THOC5: variants seen among roughly 807,000 people sequenced by gnomAD.
The protein encoded by THOC5 is THO complex subunit 5.
In THOC5, 43 loss-of-function variants were observed where a neutral mutation model predicts 92.9. The ratio of observed to expected loss-of-function variants is 0.46; its 90% CI spans 0.36 to 0.60. The LOEUF (loss-of-function observed/expected upper bound fraction) is 0.60, where lower values mean the gene tolerates loss of function less well. THOC5 is among the 20% of genes least tolerant of loss of function. THOC5 has a pLI of 0.00. For missense variants in THOC5, 659 were observed against 849.4 expected, an observed-to-expected ratio of 0.78 and a Z score of 2.79; for synonymous variants, 296 against 320.1, an observed-to-expected ratio of 0.92 and a Z score of 0.80.
intron 9 of THOC5, 191 bp downstream of exon 9, chr22:29,528,971 G>T: frequency 1.7e-6 from 1 of 595,548 alleles, no homozygotes; most frequent in Non-Finnish European, 3.0e-6. Flanking sequence ...GAGTGGCAGG[G>T]CTGAAATCCA....
intron 2 of THOC5, among the ~76,000 whole-genome samples, chr22:29,548,767 C>T (rs1405518888): frequency 6.6e-6 from 1 of 152,166 alleles, no homozygotes; most frequent in Non-Finnish European, 1.5e-5. Context: ...CTACCTTCTT[C>T]TGACCATCAG....
intron 19 of THOC5, among the ~76,000 whole-genome samples, chr22:29,509,127 C>T (rs1211114185): frequency 1.3e-5 from 2 of 151,858 alleles, no homozygotes; most frequent in African/African-American, 4.8e-5. Context: ...TGAAGGAGCA[C>T]CTTCCCAGAA....
rs2063348478 is a variant in THOC5 at position 29,517,130 on chromosome 22, C to A, written c.1594-14G>T. 2 of 1,614,062 alleles carry A rather than the reference C, an allele frequency of 1.2e-6. No homozygotes were observed. Among genetic ancestry groups the A allele is most frequent in the Non-Finnish European group, 1.7e-6 (2 of 1,179,974 alleles). ...GAAGTGCAGCTCCTAGAAGAGGTACCACAGACAAGAGGTGAACTGCTGGCT... is the reference window on the plus strand; with the variant it reads ...GAAGTGCAGCTCCTAGAAGAGGTACAACAGACAAGAGGTGAACTGCTGGCT... On this transcript the variant is annotated splice_polypyrimidine_tract_variant and intron_variant, in intron 16 of 19. Transcript: ENST00000490103.
In THOC5 at chr22:29,519,097, C is replaced by T. The variant is rs778069199; in HGVS notation, c.1398G>A (p.Ser466=). ...TGGTCTCCATGTGGCTGGCGCTCAG[C>T]GAGTGGTCAGCAATCACTGTTTGCT... ...QPQQTVIADH[S]LSASHMETTM... The change falls in exon 15 of 20, where the codon TCG becomes TCA. Residue 466 remains serine, a synonymous_variant. Coordinates refer to ENST00000490103, the MANE Select transcript of THOC5 (RefSeq NM_003678.5). The T allele has an allele frequency of 3.1e-6, 5 of 1,610,976 alleles. No individual in the cohort carries two copies. The highest frequency in any genetic ancestry group is 1.7e-5 in the Admixed American group (1 of 59,614).
intron 13 of THOC5, 100 bp downstream of exon 13, chr22:29,520,898 C>A: frequency 1.2e-6 from 1 of 851,654 alleles, no homozygotes; most frequent in Non-Finnish European, 2.0e-6. Context: ...TTCCTATCCT[C>A]TGGGTCACCT....
intron 17 of THOC5, among the ~76,000 whole-genome samples, chr22:29,513,145 T>G (rs1215268952): frequency 2.7e-5 from 4 of 146,010 alleles, no homozygotes; most frequent in Non-Finnish European, 6.0e-5. Flanking sequence ...GATCAGGAGA[T>G]CGAGACCATC....
At chr22:29,532,401 C>T (rs550931514) in intron 7 of THOC5, among the ~76,000 whole-genome samples, 5 of 152,110 alleles carry the variant, frequency 3.3e-5, no homozygotes, top group South Asian at 2.1e-4. Flanking sequence ...TAGTGGCTCA[C>T]GCCTGTAATC....
intron 8 of THOC5, chr22:29,531,590 C>T (rs2063656399): frequency 8.0e-7 from 1 of 1,244,754 alleles, no homozygotes; most frequent in South Asian, 2.8e-5. Flanking sequence ...AAGAGCTGTC[C>T]AGCCAGGCTC....
At chr22:29,534,006 A>G (rs1034633556) in intron 7 of THOC5, among the ~76,000 whole-genome samples, 1 of 152,222 alleles carries the variant, frequency 6.6e-6, no homozygotes, top group Non-Finnish European at 1.5e-5. Context: ...CAACAGACAG[A>G]TGTACACATG....
rs746654799 is a variant in THOC5, at chr22:29,520,989, C to T, written c.1277+9G>A. The T allele has an allele frequency of 1.2e-5, 20 of 1,609,482 alleles. No individual in the cohort carries two copies. Among genetic ancestry groups the T allele is most frequent in the Admixed American group, 1.2e-4 (7 of 59,952 alleles). ...AGAGAGCTCGGAGAGGAGGAAACTG[C>T]TGACTCACCCAACTTTATCAAACTG... On this transcript the variant is annotated intron_variant, in intron 13 of 19. Coordinates refer to ENST00000490103, the MANE Select transcript of THOC5 (RefSeq NM_003678.5).
chr22:29,543,347 CAAAAAAAAAAA>C (rs59948387), intron 4 of THOC5, 71 bp downstream of exon 4: 267 of 466,216 alleles, frequency 5.7e-4, no homozygotes, highest in Middle Eastern at 4.4e-3. Context: ...GACTCTGTCT[CAAAAAAAAAAA>C]AAAAAAAAAA....
At chr22:29,531,771 T>G in intron 8 of THOC5, 60 bp downstream of exon 8, 1 of 1,575,956 alleles carries the variant, frequency 6.3e-7, no homozygotes, top group Non-Finnish European at 8.6e-7. Context: ...TCCAACTGAT[T>G]CACTCGGCCA....
At chr22:29,544,871 C>G (rs1370515836) in intron 2 of THOC5, among the ~76,000 whole-genome samples, 2 of 152,046 alleles carry the variant, frequency 1.3e-5, no homozygotes, top group African/African-American at 2.4e-5. Flanking sequence ...GGAAAAATTG[C>G]CTATAATTTC....
intron 7 of THOC5, among the ~76,000 whole-genome samples, chr22:29,532,283 G>T (rs904073535): frequency 2.7e-5 from 4 of 150,684 alleles, no homozygotes; most frequent in Non-Finnish European, 5.9e-5. Flanking sequence ...AACTTAGCGA[G>T]ATGCCATTTC....
At chr22:29,534,621 A>C (rs2146517648) in intron 7 of THOC5, 1 of 151,716 alleles carries the variant, frequency 6.6e-6, no homozygotes, top group Middle Eastern at 3.4e-3. Context: ...GATTCTGCAC[A>C]GTGCATGAGG....
chr22:29,548,948 G>T, intron 2 of THOC5, 104 bp downstream of exon 2: 1 of 1,059,242 alleles, frequency 9.4e-7, no homozygotes, highest in Non-Finnish European at 1.4e-6. Context: ...CCACCAAAAA[G>T]TTGTACCTGG....
At chr22:29,531,089 G>A in intron 8 of THOC5, 1 of 1,166,204 alleles carries the variant, frequency 8.6e-7, no homozygotes, top group Non-Finnish European at 1.1e-6. Context: ...CTGTCTAGGG[G>A]GCTGGGAGGA....
intron 2 of THOC5, among the ~76,000 whole-genome samples, chr22:29,545,952 T>C (rs2064008946): frequency 6.6e-6 from 1 of 152,218 alleles, no homozygotes; most frequent in African/African-American, 2.4e-5. Flanking sequence ...TAGCAGGGGT[T>C]CTCCATGAGC....
At chr22:29,540,788 C>T (rs1270527626) in intron 5 of THOC5, among the ~76,000 whole-genome samples, 1 of 152,206 alleles carries the variant, frequency 6.6e-6, no homozygotes, top group Non-Finnish European at 1.5e-5. Flanking sequence ...CCACATTATA[C>T]ATTGTCAAAA....
Sources: allele counts gnomAD v4.1 joint callset (sites outside exome capture counted in the v4.1 genomes callset), GRCh38; gene constraint gnomAD v4.1.1; transcripts MANE v1.5; gene names NCBI Gene and HGNC (gene_info 2026-07-23, HGNC 2026-07-21).